Variants in CDC45 observed in about 807,000 individuals in gnomAD.
CDC45 encodes cell division control protein 45 homolog.
A neutral mutation model predicts 77.8 loss-of-function variants in CDC45; 54 were observed. That is an observed-to-expected ratio of 0.69 (90% CI 0.56 to 0.87). The LOEUF is 0.87. CDC45 is among the 40% of genes least tolerant of loss of function. The probability of loss-of-function intolerance (pLI) is 0.00; values close to 1 mark genes in which losing one functional copy is unlikely to be tolerated. For missense variants in CDC45, 649 were observed against 721.6 expected (o/e 0.90, Z 1.15); for synonymous variants, 260 against 272.1 (o/e 0.96, Z 0.44).
At chr22:19,490,369 TG>T (rs2090136270) in intron 5 of CDC45, among the ~76,000 whole-genome samples, 1 of 151,758 alleles carries the variant, frequency 6.6e-6, no homozygotes, top group East Asian at 1.9e-4. Context: ...TCTTGTTCTT[TG>T]TTATTTGTAT....
At chr22:19,511,641 T>C (rs1933520579) in intron 13 of CDC45, among the ~76,000 whole-genome samples, 1 of 152,202 alleles carries the variant, frequency 6.6e-6, no homozygotes, top group Non-Finnish European at 1.5e-5. Flanking sequence ...AAAACTTTTA[T>C]ATATTCTACA....
chr22:19,497,561 C>A, intron 8 of CDC45, 114 bp downstream of exon 8: 1 of 840,254 alleles, frequency 1.2e-6, no homozygotes, highest in Non-Finnish European at 2.0e-6. Flanking sequence ...CCAGGAGTGT[C>A]AGATGCAGCC....
intron 18 of CDC45, 51 bp downstream of exon 18, chr22:19,518,960 C>T (rs549354548): frequency 3.0e-6 from 4 of 1,329,322 alleles, no homozygotes; most frequent in East Asian, 2.3e-5. Context: ...CCTCAGAGCC[C>T]GACCCTGATG....
chr22:19,516,828 G>C lies in CDC45; in HGVS notation c.1571G>C (p.Arg524Thr). The C allele has an allele frequency of 6.2e-7, 1 of 1,614,100 alleles. No homozygotes were observed. Among genetic ancestry groups the C allele is most frequent in the Non-Finnish European group, 8.5e-7 (1 of 1,179,986 alleles). Residue 524 changes from arginine (R) to threonine (T), a missense_variant, in exon 17 of 19, where the codon AGG becomes ACG. Coordinates refer to ENST00000263201, the MANE Select transcript of CDC45 (RefSeq NM_003504.5). Reference sequence around the variant, plus strand: ...TTGTGTGTCAGCAGCTTTTTTGGGAGGGCGTTTGAGAAGGCAGCGGAAAGC... The same window carrying C: ...TTGTGTGTCAGCAGCTTTTTTGGGACGGCGTTTGAGAAGGCAGCGGAAAGC... ...DSSDRKNFFGRAFEKAAESTS... is the reference protein window; with the variant it reads ...DSSDRKNFFGTAFEKAAESTS...
intron 15 of CDC45, among the ~76,000 whole-genome samples, chr22:19,516,150 T>C (rs1393188796): frequency 1.3e-5 from 2 of 151,806 alleles, no homozygotes; most frequent in African/African-American, 4.8e-5. Context: ...TGGGGCCTCC[T>C]GGAGAAGGTG....
Position 19,508,616 on chromosome 22 carries a change from T to A in CDC45, c.1142T>A (p.Met381Lys), listed in dbSNP as rs544514688. Residue 381 changes from methionine to lysine, a missense_variant, in exon 13 of 19, where the codon ATG becomes AAG. Coordinates refer to ENST00000263201, the MANE Select transcript of CDC45 (RefSeq NM_003504.5). Reference sequence around the variant, plus strand: ...GCCAGCGACGTGGTCTTTGCCACCATGTCTTTGATGGAGAGCCCCGAGAAG... The same window carrying A: ...GCCAGCGACGTGGTCTTTGCCACCAAGTCTTTGATGGAGAGCCCCGAGAAG... The part of the protein sequence containing the change: ...FLASDVVFAT[M>K]SLMESPEKDG... The A allele has an allele frequency of 6.2e-7, 1 of 1,614,148 alleles. No homozygotes were observed. Among genetic ancestry groups the A allele is most frequent in the Non-Finnish European group, 8.5e-7 (1 of 1,179,972 alleles).
chr22:19,493,224 T>TG (rs1056937913), intron 5 of CDC45, among the ~76,000 whole-genome samples: 20 of 124,422 alleles, frequency 1.6e-4, no homozygotes, highest in South Asian at 5.1e-4. Context: ...GCAGCTTTTG[T>TG]GGGTTTTTTT....
At chr22:19,502,431 A>T (rs1046648908) in intron 9 of CDC45, among the ~76,000 whole-genome samples, 3 of 152,260 alleles carry the variant, frequency 2.0e-5, no homozygotes, top group African/African-American at 7.2e-5. Flanking sequence ...TCATTTATTT[A>T]TAAGCCAATT....
intron 5 of CDC45, among the ~76,000 whole-genome samples, chr22:19,488,073 G>C (rs2090100356): frequency 6.6e-6 from 1 of 152,166 alleles, no homozygotes; most frequent in Admixed American, 6.5e-5. Flanking sequence ...TAATCTACAG[G>C]TGCTATAATA....
At position 19,499,165 on chromosome 22, in the gene CDC45, C is replaced by G. The variant is rs1448566058; in HGVS notation, c.704+14C>G. 6.2e-7 allele frequency: 1 copy of G among 1,613,666 alleles called. No individual in the cohort carries two copies. Among genetic ancestry groups the G allele is most frequent in the Non-Finnish European group, 8.5e-7 (1 of 1,179,744 alleles). ...CAAGATCACTCAGTAAGGACACACT[C>G]CCTTGCCTTGCAGGGTCAGCCCTGT... On this transcript the variant is annotated intron_variant, in intron 9 of 18. Transcript: ENST00000263201.
In CDC45 at chr22:19,498,429, G is replaced by A. The variant is rs140326117; in HGVS notation, c.654-672G>A. On this transcript the variant is annotated intron_variant, in intron 8 of 18. Transcript: ENST00000263201. Reference sequence around the variant, plus strand: ...CATCCCTCCTCTGAGTCCGCTGTGCGGGCTGCACCTGGCATGACCGAGCAC... The same window carrying A: ...CATCCCTCCTCTGAGTCCGCTGTGCAGGCTGCACCTGGCATGACCGAGCAC... Among the ~76,000 whole-genome samples the A allele has an allele frequency of 9.4e-3, 1,436 of 152,342 alleles. 12 individuals are homozygous for A. The highest frequency in any genetic ancestry group is 0.016 in the Non-Finnish European group (1,071 of 68,022).
chr22:19,487,474 G>A (rs1275202251), intron 5 of CDC45, among the ~76,000 whole-genome samples: 1 of 151,898 alleles, frequency 6.6e-6, no homozygotes, highest in Non-Finnish European at 1.5e-5. Context: ...AGGCTGCAGT[G>A]ATCCATGATC....
At chr22:19,482,967 C>A in intron 4 of CDC45, 140 bp downstream of exon 4, 62 of 617,938 alleles carry the variant, frequency 1.0e-4, no homozygotes, top group Middle Eastern at 2.9e-4. Flanking sequence ...TGGTCTTTGT[C>A]ATCTTTTTTT....
At chr22:19,482,623 G>C in intron 3 of CDC45, 67 bp from the exon 4 acceptor site, 1 of 1,533,482 alleles carries the variant, frequency 6.5e-7, no homozygotes, top group Non-Finnish European at 8.9e-7. Flanking sequence ...ACAACTCAGA[G>C]GCTTAGTGAT....
At chr22:19,504,941 G>A (rs931543924) in intron 9 of CDC45, 4 of 190,898 alleles carry the variant, frequency 2.1e-5, no homozygotes, top group Non-Finnish European at 3.3e-5. Context: ...CCTAGTGACT[G>A]ATGCTGATGT....
chr22:19,480,811 G>C (rs982850859), intron 2 of CDC45, 142 bp from the exon 3 acceptor site: 5 of 582,150 alleles, frequency 8.6e-6, no homozygotes, highest in South Asian at 4.7e-5. Context: ...CTAGCACCTA[G>C]CTTTTCCCGT....
intron 17 of CDC45, 69 bp downstream of exon 17, chr22:19,516,962 C>T (rs1019374965): frequency 3.5e-5 from 47 of 1,343,410 alleles, no homozygotes; most frequent in Non-Finnish European, 4.7e-5. Context: ...GGCCCTGGAA[C>T]CAAGCAAGTT....
chr22:19,492,111 G>A (rs969400926), intron 5 of CDC45, among the ~76,000 whole-genome samples: 1 of 152,074 alleles, frequency 6.6e-6, no homozygotes, highest in African/African-American at 2.4e-5. Flanking sequence ...CAGCCAGCAG[G>A]TTTATGTCTT....
At chr22:19,498,152 C>T (rs985615657) in intron 8 of CDC45, among the ~76,000 whole-genome samples, 17 of 151,900 alleles carry the variant, frequency 1.1e-4, no homozygotes, top group African/African-American at 4.1e-4. Flanking sequence ...CCAGCCTGGG[C>T]GACAAGAATG....
Sources: allele counts gnomAD v4.1 joint callset (sites outside exome capture counted in the v4.1 genomes callset), GRCh38; gene constraint gnomAD v4.1.1; transcripts MANE v1.5; gene names NCBI Gene and HGNC (gene_info 2026-07-23, HGNC 2026-07-21).